Variants in STXBP6 observed in about 807,000 individuals in gnomAD.
STXBP6 encodes syntaxin-binding protein 6.
In STXBP6, 21 loss-of-function variants were observed where a neutral mutation model predicts 26.9. The ratio of observed to expected loss-of-function variants is 0.78; its 90% CI spans 0.55 to 1.12. The LOEUF (loss-of-function observed/expected upper bound fraction) is 1.12, where lower values mean the gene tolerates loss of function less well. Ranked by LOEUF, STXBP6 falls within the 50% of genes most tolerant of loss-of-function variation. The probability of loss-of-function intolerance (pLI) is 0.00; values close to 1 mark genes in which losing one functional copy is unlikely to be tolerated. For synonymous variants in STXBP6, 97 were observed against 92.6 expected (o/e 1.05, Z -0.27); for missense variants, 232 against 257.9 (o/e 0.90, Z 0.69).
intron 1 of STXBP6, among the ~76,000 whole-genome samples, chr14:25,033,087 G>A (rs1247150688): frequency 6.6e-6 from 1 of 152,126 alleles, no homozygotes; most frequent in East Asian, 1.9e-4. Flanking sequence ...AAGTAATACT[G>A]TGAGGATTCA....
chr14:24,999,979 C>T (rs576365847), intron 1 of STXBP6, among the ~76,000 whole-genome samples: 32 of 152,206 alleles, frequency 2.1e-4, no homozygotes, highest in South Asian at 6.2e-4. Flanking sequence ...ACAAATTATA[C>T]GAGTTTTTCC....
At position 25,047,118 on chromosome 14, in the gene STXBP6, T is replaced by C. The variant is rs2075739528; in HGVS notation, c.-33+2760A>G. Among the ~76,000 whole-genome samples, 4 of 152,138 alleles carry C rather than the reference T, an allele frequency of 2.6e-5. No individual in the cohort carries two copies. In the South Asian group the frequency reaches 8.3e-4, roughly 32 times the overall value. On this transcript the variant is annotated intron_variant, in intron 1 of 5. Coordinates refer to ENST00000323944, the MANE Select transcript of STXBP6 (RefSeq NM_001394410.1). ...CTATTCTGTCCTCCAACCTTAAGGT[T>C]CAAGCTGTCAGAACTGTACGTAACC...
At position 24,954,107 on chromosome 14, in the gene STXBP6, G is replaced by C. The variant is rs139238866; in HGVS notation, c.154+20558C>G. Among the ~76,000 whole-genome samples the C allele has an allele frequency of 1.1e-4, 16 of 152,280 alleles. No individual in the cohort carries two copies. In the East Asian group the frequency reaches 2.1e-3, roughly 20 times the overall value. ...CAGGCCCATCAATCATCTCTGGCCT[G>C]TGCATAGGGTGTCACAGCTCCTTAA... On this transcript the variant is annotated intron_variant, in intron 2 of 5. Transcript: ENST00000323944.
At chr14:24,833,511 G>T (rs972915713) in intron 4 of STXBP6, among the ~76,000 whole-genome samples, 3 of 152,156 alleles carry the variant, frequency 2.0e-5, no homozygotes, top group Non-Finnish European at 4.4e-5. Context: ...TACAATAGTG[G>T]TATGTTGAAT....
At chr14:24,917,475 A>T (rs139047073) in intron 2 of STXBP6, among the ~76,000 whole-genome samples, 54 of 152,228 alleles carry the variant, frequency 3.5e-4, no homozygotes, top group Non-Finnish European at 6.8e-4. Context: ...ATAAGCACTC[A>T]AGATAATCTC....
chr14:25,045,590 C>G (rs2075712598), intron 1 of STXBP6, among the ~76,000 whole-genome samples: 1 of 145,952 alleles, frequency 6.9e-6, no homozygotes, highest in African/African-American at 2.5e-5. Flanking sequence ...TGCGTTCATA[C>G]TTTTTTTTTC....
intron 1 of STXBP6, among the ~76,000 whole-genome samples, chr14:25,045,960 G>C (rs2075721165): frequency 6.6e-6 from 1 of 152,148 alleles, no homozygotes; most frequent in Non-Finnish European, 1.5e-5. Context: ...ATCAGAAAAA[G>C]AATGTATCTT....
intron 1 of STXBP6, among the ~76,000 whole-genome samples, chr14:25,021,236 T>C (rs886702272): frequency 5.9e-5 from 9 of 152,174 alleles, no homozygotes; most frequent in African/African-American, 2.2e-4. Flanking sequence ...CCTTTCATCT[T>C]AGGCCAACCA....
At chr14:25,041,438 C>T (rs994209821) in intron 1 of STXBP6, among the ~76,000 whole-genome samples, 2 of 152,216 alleles carry the variant, frequency 1.3e-5, no homozygotes, top group African/African-American at 2.4e-5. Flanking sequence ...CCAGCTCCTT[C>T]TCAGCAGCAG....
intron 2 of STXBP6, among the ~76,000 whole-genome samples, chr14:24,903,833 G>A (rs2071296459): frequency 6.6e-6 from 1 of 152,124 alleles, no homozygotes; most frequent in South Asian, 2.1e-4. Context: ...TATAAAAATA[G>A]GGATATTACT....
chr14:25,019,868 G>GTTT lies in STXBP6; in HGVS notation c.-33+30007_-33+30009dup, dbSNP rs35017131. 2.2e-3 allele frequency among the ~76,000 whole-genome samples: 279 copies of GTTT among 128,220 alleles called. 6 individuals are homozygous for GTTT. In the East Asian group the frequency reaches 0.023, roughly 10 times the overall value. 84.1% of individuals were successfully genotyped at this position (128,220 alleles called of 152,430 possible). A position where few individuals can be genotyped will look rare whatever the true frequency, so the allele number is the denominator to read the frequency against. On this transcript the variant is annotated intron_variant, in intron 1 of 5. Coordinates refer to ENST00000323944, the MANE Select transcript of STXBP6 (RefSeq NM_001394410.1). ...TTATTATAAAATACAAGTTTCGTGG[G>GTTT]TTTTTTTTTTTTTTTTTGGTGAGTC...
At chr14:25,042,828 T>C (rs1037940213) in intron 1 of STXBP6, among the ~76,000 whole-genome samples, 22 of 152,314 alleles carry the variant, frequency 1.4e-4, no homozygotes, top group African/African-American at 5.0e-4. Flanking sequence ...GAGAGAAGAA[T>C]GTCTACCCAA....
At chr14:24,900,039 G>A (rs886527328) in intron 2 of STXBP6, among the ~76,000 whole-genome samples, 1 of 152,116 alleles carries the variant, frequency 6.6e-6, no homozygotes, top group Non-Finnish European at 1.5e-5. Context: ...TGAACAAAGC[G>A]ATATGCCTTA....
intron 1 of STXBP6, among the ~76,000 whole-genome samples, chr14:25,018,047 C>A (rs896910813): frequency 2.6e-5 from 4 of 152,146 alleles, no homozygotes; most frequent in African/African-American, 9.7e-5. Context: ...CCATACACTG[C>A]CCCCCTGCTC....
intron 1 of STXBP6, among the ~76,000 whole-genome samples, chr14:24,975,099 T>C (rs78155498): frequency 0.043 from 6,600 of 152,134 alleles, 204 homozygotes; most frequent in South Asian, 0.1. Flanking sequence ...ATGAGATGAG[T>C]AGTACAAACT....
intron 2 of STXBP6, among the ~76,000 whole-genome samples, chr14:24,963,464 C>T (rs963655834): frequency 6.6e-6 from 1 of 151,932 alleles, no homozygotes. Flanking sequence ...ACAACCTCGG[C>T]CACATTGGAT....
Position 24,950,987 on chromosome 14 carries a change from G to C in STXBP6, c.154+23678C>G, listed in dbSNP as rs1013404987. 2.6e-5 allele frequency among the ~76,000 whole-genome samples: 4 copies of C among 151,934 alleles called. No homozygotes were observed. In the South Asian group the frequency reaches 8.3e-4, roughly 32 times the overall value. On this transcript the variant is annotated intron_variant, in intron 2 of 5. Transcript: ENST00000323944. ...CTCCCATTTATGAGTGAGAGCATGCGGTTTTGGTTTTCTGTTCTTGTGTTA... is the reference window on the plus strand; with the variant it reads ...CTCCCATTTATGAGTGAGAGCATGCCGTTTTGGTTTTCTGTTCTTGTGTTA...
At chr14:24,972,099 T>C (rs2073922501) in intron 2 of STXBP6, among the ~76,000 whole-genome samples, 1 of 152,196 alleles carries the variant, frequency 6.6e-6, no homozygotes, top group African/African-American at 2.4e-5. Context: ...TTGCCTGCCC[T>C]TCTCCTGCCC....
intron 1 of STXBP6, among the ~76,000 whole-genome samples, chr14:24,987,717 C>G (rs909280919): frequency 1.3e-5 from 2 of 152,254 alleles, no homozygotes; most frequent in African/African-American, 4.8e-5. Context: ...TAGGGAATGG[C>G]CAGCCTAAGC....
Sources: gnomAD v4.1 joint callset for allele counts (sites outside exome capture counted in the v4.1 genomes callset) on GRCh38, gnomAD v4.1.1 for gene constraint, MANE v1.5 for transcripts, NCBI Gene and HGNC (gene_info 2026-07-23, HGNC 2026-07-21) for gene names.